The following IGF2BP2 variants were observed in gnomAD, a reference collection of about 807,000 sequenced individuals.
IGF2BP2 encodes the protein insulin-like growth factor 2 mRNA-binding protein 2.
A neutral mutation model predicts 75.8 loss-of-function variants in IGF2BP2; 17 were observed. The observed-to-expected ratio is 0.22, with a 90% CI of 0.15 to 0.34. The LOEUF (loss-of-function observed/expected upper bound fraction) is 0.34, where lower values mean the gene tolerates loss of function less well. IGF2BP2 is among the 10% of genes least tolerant of loss of function. The probability of loss-of-function intolerance (pLI) is 1.00; values close to 1 mark genes in which losing one functional copy is unlikely to be tolerated. For missense variants in IGF2BP2, 516 were observed against 772.4 expected (o/e 0.67, Z 3.93); for synonymous variants, 288 against 295.6 (o/e 0.97, Z 0.26).
intron 2 of IGF2BP2, chr3:185,724,862 G>C (rs995723839): frequency 6.6e-6 from 1 of 152,158 alleles, no homozygotes; most frequent in Non-Finnish European, 1.5e-5. Context: ...CCTCCCCCTT[G>C]ATAGTCATGC....
rs916755723 is a variant in IGF2BP2 at position 185,648,675 on chromosome 3, T to C, written c.1593+728A>G. ...GGTCAGTAAGTCACATTCCAGAACATACCTGGGTCTACAGACCACCTGGCT... is the reference window on the plus strand; with the variant it reads ...GGTCAGTAAGTCACATTCCAGAACACACCTGGGTCTACAGACCACCTGGCT... On this transcript the variant is annotated intron_variant, in intron 14 of 15. Transcript: ENST00000382199. Among the ~76,000 whole-genome samples the C allele has an allele frequency of 3.9e-5, 6 of 152,054 alleles. 1 individual carries two copies. In the South Asian group the frequency reaches 6.2e-4, roughly 16 times the overall value.
chr3:185,692,869 A>G (rs1458063959), intron 4 of IGF2BP2, 107 bp from the exon 5 acceptor site: 7 of 877,852 alleles, frequency 8.0e-6, no homozygotes, highest in Non-Finnish European at 1.3e-5. Flanking sequence ...CCCTCATCAC[A>G]CTGGCTCCAC....
intron 2 of IGF2BP2, among the ~76,000 whole-genome samples, chr3:185,735,326 A>G (rs1216982618): frequency 6.6e-6 from 1 of 151,944 alleles, no homozygotes; most frequent in African/African-American, 2.4e-5. Flanking sequence ...TTGTATTTTT[A>G]GTAGAGATGG....
In IGF2BP2 at chr3:185,675,392, G is replaced by A; in HGVS notation, c.975C>T (p.Ile325=). Residue 325 remains isoleucine, a synonymous_variant, in exon 9 of 16, where the codon ATC becomes ATT. Coordinates refer to ENST00000382199, the MANE Select transcript of IGF2BP2 (RefSeq NM_006548.6). ...AGGCCTCAACTGTGCCCTTCACAGT[G>A]ATGGTTCTTTCCGGGTTGTATATGC... ...DLSIYNPERT[I]TVKGTVEACA... The A allele has an allele frequency of 6.2e-7, 1 of 1,612,832 alleles. No homozygotes were observed.
chr3:185,810,687 T>C (rs893851476), intron 2 of IGF2BP2, among the ~76,000 whole-genome samples: 3 of 151,902 alleles, frequency 2.0e-5, no homozygotes, highest in African/African-American at 7.3e-5. Flanking sequence ...GGCAGGAGAA[T>C]TGCTTGAACC....
At chr3:185,691,317 C>T (rs146374083) in intron 5 of IGF2BP2, among the ~76,000 whole-genome samples, 2,678 of 152,072 alleles carry the variant, frequency 0.018, 41 homozygotes, top group Non-Finnish European at 0.025. Context: ...AGGCTGGTCT[C>T]GATCTCCCAG....
intron 13 of IGF2BP2, among the ~76,000 whole-genome samples, chr3:185,649,958 T>G (rs1199976906): frequency 6.6e-6 from 1 of 152,106 alleles, no homozygotes; most frequent in African/African-American, 2.4e-5. Context: ...AGGATGGAGG[T>G]GATGGTGGTG....
intron 12 of IGF2BP2, among the ~76,000 whole-genome samples, chr3:185,656,257 G>C (rs530579116): frequency 6.6e-6 from 1 of 152,364 alleles, no homozygotes. Context: ...CCTGCAGCAG[G>C]ACTGCTGGGC....
chr3:185,715,474 A>C (rs1725456567), intron 2 of IGF2BP2, among the ~76,000 whole-genome samples: 1 of 152,176 alleles, frequency 6.6e-6, no homozygotes, highest in South Asian at 2.1e-4. Context: ...CAGCAGCACT[A>C]ACTTTCTTCT....
chr3:185,658,145 G>A (rs1290824426), intron 11 of IGF2BP2, among the ~76,000 whole-genome samples, 196 bp downstream of exon 11: 1 of 152,192 alleles, frequency 6.6e-6, no homozygotes, highest in Non-Finnish European at 1.5e-5. Context: ...CAACGGCCTA[G>A]GCCTCTGCAG....
At chr3:185,813,774 T>G (rs567885125) in intron 2 of IGF2BP2, among the ~76,000 whole-genome samples, 31 of 152,154 alleles carry the variant, frequency 2.0e-4, no homozygotes, top group Admixed American at 6.5e-4. Context: ...AGCACACACA[T>G]GCCTCCCCAG....
chr3:185,711,435 A>G (rs1240663566), intron 2 of IGF2BP2, among the ~76,000 whole-genome samples: 1 of 152,214 alleles, frequency 6.6e-6, no homozygotes, highest in Non-Finnish European at 1.5e-5. Flanking sequence ...AATTCCTTCC[A>G]GCGGCTGATT....
chr3:185,814,095 C>T (rs930617278), intron 2 of IGF2BP2: 2 of 152,248 alleles, frequency 1.3e-5, no homozygotes, highest in Non-Finnish European at 2.9e-5. Context: ...GTCTTTGCCA[C>T]GTGCTCTGGA....
At chr3:185,680,244 A>G (rs961261125) in intron 7 of IGF2BP2, among the ~76,000 whole-genome samples, 6 of 152,186 alleles carry the variant, frequency 3.9e-5, no homozygotes, top group African/African-American at 9.7e-5. Flanking sequence ...ACAACCTACC[A>G]AGATTGAATC....
At chr3:185,779,248 A>AG (rs1553887606) in intron 2 of IGF2BP2, among the ~76,000 whole-genome samples, 1 of 152,196 alleles carries the variant, frequency 6.6e-6, no homozygotes, top group Non-Finnish European at 1.5e-5. Context: ...GAAAATCTTT[A>AG]GGAATAACTC....
At chr3:185,665,941 T>C (rs924851662) in intron 10 of IGF2BP2, among the ~76,000 whole-genome samples, 1 of 152,130 alleles carries the variant, frequency 6.6e-6, no homozygotes, top group African/African-American at 2.4e-5. Flanking sequence ...CACTTTAGCC[T>C]GGGTGACAGA....
At chr3:185,779,973 T>C (rs1204285915) in intron 2 of IGF2BP2, among the ~76,000 whole-genome samples, 1 of 152,174 alleles carries the variant, frequency 6.6e-6, no homozygotes, top group Non-Finnish European at 1.5e-5. Flanking sequence ...GCAGCATGTT[T>C]GGAATTGGAA....
chr3:185,761,267 G>A (rs1732324196), intron 2 of IGF2BP2, among the ~76,000 whole-genome samples: 1 of 152,214 alleles, frequency 6.6e-6, no homozygotes, highest in Non-Finnish European at 1.5e-5. Flanking sequence ...AGAGGTGTAT[G>A]TGTGGGGCAG....
chr3:185,696,094 C>T (rs1008641307), intron 4 of IGF2BP2, among the ~76,000 whole-genome samples: 1 of 152,014 alleles, frequency 6.6e-6, no homozygotes, highest in Non-Finnish European at 1.5e-5. Flanking sequence ...GCCTCGGGTG[C>T]TTTTTTAAAT....
Sources: allele counts gnomAD v4.1 joint callset (sites outside exome capture counted in the v4.1 genomes callset), GRCh38; gene constraint gnomAD v4.1.1; transcripts MANE v1.5; gene names NCBI Gene and HGNC (gene_info 2026-07-23, HGNC 2026-07-21).